The following CHN2 variants were observed in gnomAD, a reference collection of about 807,000 sequenced individuals.
CHN2 encodes the protein beta-chimaerin.
Under a neutral mutation model 56.3 loss-of-function variants are expected in CHN2, and 35 were observed. The observed-to-expected ratio is 0.62, with a 90% confidence interval of 0.47 to 0.82. The LOEUF (loss-of-function observed/expected upper bound fraction) is 0.82, where lower values mean the gene tolerates loss of function less well. CHN2 is among the 40% of genes least tolerant of loss of function. CHN2 has a pLI of 0.00. For synonymous variants in CHN2, 210 were observed against 212.8 expected, an observed-to-expected ratio of 0.99 and a Z score of 0.12; for missense variants, 491 against 580.5, an observed-to-expected ratio of 0.85 and a Z score of 1.58.
chr7:29,332,297 T>C (rs2128905126), intron 1 of CHN2, among the ~76,000 whole-genome samples: 1 of 152,202 alleles, frequency 6.6e-6, no homozygotes, highest in South Asian at 2.1e-4. Flanking sequence ...CCCTGTGGGG[T>C]TCTTGGGAGG....
At chr7:29,340,397 C>CT (rs1253534943) in intron 1 of CHN2, among the ~76,000 whole-genome samples, 1 of 133,258 alleles carries the variant, frequency 7.5e-6, no homozygotes, top group African/African-American at 2.6e-5. Context: ...CAGGGGGTTG[C>CT]TTGGGGGGGG....
chr7:29,447,213 A>G (rs1011884205), intron 6 of CHN2, among the ~76,000 whole-genome samples: 2 of 152,212 alleles, frequency 1.3e-5, no homozygotes, highest in African/African-American at 4.8e-5. Flanking sequence ...AATGGGCGTT[A>G]TAACTGTATT....
intron 1 of CHN2, among the ~76,000 whole-genome samples, chr7:29,238,541 T>A (rs1787388750): frequency 6.6e-6 from 1 of 152,104 alleles, no homozygotes; most frequent in Non-Finnish European, 1.5e-5. Context: ...GAGGGTATGG[T>A]AGTTAACAAG....
chr7:29,478,385 A>G (rs1006182252), intron 6 of CHN2, among the ~76,000 whole-genome samples: 6 of 152,146 alleles, frequency 3.9e-5, no homozygotes, highest in Admixed American at 3.3e-4. Context: ...GCATGGGTGG[A>G]TTAGGAAGAT....
intron 10 of CHN2, 83 bp from the exon 11 acceptor site, chr7:29,507,145 G>T: frequency 9.5e-7 from 1 of 1,051,702 alleles, no homozygotes; most frequent in Non-Finnish European, 1.3e-6. Context: ...ATTCATCGCT[G>T]GATTTTTTTT....
intron 1 of CHN2, among the ~76,000 whole-genome samples, chr7:29,274,918 G>A (rs1363896555): frequency 1.3e-5 from 2 of 152,162 alleles, no homozygotes; most frequent in African/African-American, 4.8e-5. Flanking sequence ...AGATCACCCA[G>A]CGCAGAGGAA....
chr7:29,301,408 G>T (rs982145121), intron 1 of CHN2, among the ~76,000 whole-genome samples: 1 of 150,292 alleles, frequency 6.7e-6, no homozygotes, highest in African/African-American at 2.5e-5. Context: ...GATTCATCTG[G>T]AATCTAAGTG....
chr7:29,246,231 C>T (rs541540859), intron 1 of CHN2, among the ~76,000 whole-genome samples: 90 of 152,262 alleles, frequency 5.9e-4, no homozygotes, highest in Admixed American at 1.1e-3. Context: ...GAGAGAATTA[C>T]TTCTTGTCTC....
intron 6 of CHN2, among the ~76,000 whole-genome samples, chr7:29,411,689 G>A (rs534179414): frequency 6.6e-6 from 1 of 152,100 alleles, no homozygotes; most frequent in African/African-American, 2.4e-5. Context: ...GGCTCAATTA[G>A]GCAGGAAGTA....
At chr7:29,155,879 G>A (rs561713777) in intron 2 of CHN2, among the ~76,000 whole-genome samples, 9 of 152,240 alleles carry the variant, frequency 5.9e-5, no homozygotes, top group African/African-American at 2.2e-4. Flanking sequence ...AGACCACATC[G>A]GAGCGTCCTG....
chr7:29,150,820 C>T (rs1420225881), intron 2 of CHN2, among the ~76,000 whole-genome samples: 1 of 152,174 alleles, frequency 6.6e-6, no homozygotes, highest in Admixed American at 6.5e-5. Context: ...AAACACAGCT[C>T]AGAGGCACAG....
chr7:29,355,293 A>G (rs1296697557), intron 2 of CHN2, among the ~76,000 whole-genome samples: 4 of 152,182 alleles, frequency 2.6e-5, no homozygotes, highest in South Asian at 4.1e-4. Flanking sequence ...TTTTTTACAC[A>G]GTTGATCGGC....
At chr7:29,483,218 A>G (rs1228113418) in intron 7 of CHN2, among the ~76,000 whole-genome samples, 2 of 152,102 alleles carry the variant, frequency 1.3e-5, no homozygotes, top group Non-Finnish European at 2.9e-5. Context: ...AGTCAGAACT[A>G]TTACCCCAGG....
chr7:29,294,810 C>A (rs1254575297), intron 1 of CHN2, among the ~76,000 whole-genome samples: 3 of 152,204 alleles, frequency 2.0e-5, no homozygotes, highest in Non-Finnish European at 2.9e-5. Context: ...TCAAAAATTC[C>A]TTCTCTATTT....
At chr7:29,440,751 T>C (rs185689846) in intron 6 of CHN2, among the ~76,000 whole-genome samples, 125 of 148,732 alleles carry the variant, frequency 8.4e-4, no homozygotes, top group African/African-American at 2.9e-3. Flanking sequence ...GAAAATGCAG[T>C]GCAAAGGACT....
intron 1 of CHN2, among the ~76,000 whole-genome samples, chr7:29,203,038 C>A (rs1784272394): frequency 6.6e-6 from 1 of 152,202 alleles, no homozygotes; most frequent in African/African-American, 2.4e-5. Context: ...GCCGTTGAAA[C>A]ATGGCTAGTC....
intron 1 of CHN2, among the ~76,000 whole-genome samples, chr7:29,281,707 T>C (rs750958389): frequency 6.6e-5 from 10 of 152,154 alleles, no homozygotes; most frequent in Admixed American, 2.0e-4. Flanking sequence ...CAGTAGCTCT[T>C]CTACCTGCTG....
At chr7:29,430,668 A>G (rs1463374863) in intron 6 of CHN2, among the ~76,000 whole-genome samples, 3 of 151,864 alleles carry the variant, frequency 2.0e-5, no homozygotes, top group African/African-American at 4.8e-5. Context: ...TTCACTATGT[A>G]TGGAGATGAG....
At chr7:29,288,186 A>G (rs1792308157) in intron 1 of CHN2, among the ~76,000 whole-genome samples, 1 of 152,192 alleles carries the variant, frequency 6.6e-6, no homozygotes, top group African/African-American at 2.4e-5. Flanking sequence ...AGCAAATAAG[A>G]AAACCTGGGA....
Sources: gnomAD v4.1 joint callset for allele counts (sites outside exome capture counted in the v4.1 genomes callset) on GRCh38, gnomAD v4.1.1 for gene constraint, MANE v1.5 for transcripts, NCBI Gene and HGNC (gene_info 2026-07-23, HGNC 2026-07-21) for gene names.